Variants in RNF123 observed in about 807,000 individuals in gnomAD.
The protein encoded by RNF123 is ring finger protein 123.
In RNF123, 86 loss-of-function variants were observed where a neutral mutation model predicts 168.5. The observed-to-expected ratio is 0.51, with a 90% confidence interval of 0.43 to 0.61. The LOEUF is 0.61. Ranked by LOEUF, RNF123 falls within the 20% of genes least tolerant of loss-of-function variation. The pLI is 0.00. For synonymous variants in RNF123, 666 were observed against 689.1 expected, an observed-to-expected ratio of 0.97 and a Z score of 0.52; for missense variants, 1,419 against 1,729.7, an observed-to-expected ratio of 0.82 and a Z score of 3.19.
chr3:49,704,641 T>C lies in RNF123; in HGVS notation c.1853-9T>C. On this transcript the variant is annotated splice_polypyrimidine_tract_variant and intron_variant, in intron 21 of 38. Coordinates refer to ENST00000327697, the MANE Select transcript of RNF123 (RefSeq NM_022064.5). ...ACTGGCCTGAGAACCCTCCTGCTCT[T>C]CCTCCCAGATGACCTTGCTTCCAAA... 1 of 1,606,196 alleles carries C rather than the reference T, an allele frequency of 6.2e-7. No individual in the cohort carries two copies. The highest frequency in any genetic ancestry group is 1.1e-5 in the South Asian group (1 of 89,568).
chr3:49,690,159 C>T (rs1197372886), intron 1 of RNF123, among the ~76,000 whole-genome samples: 2 of 152,128 alleles, frequency 1.3e-5, no homozygotes, highest in African/African-American at 4.8e-5. Flanking sequence ...AGAGACTGAA[C>T]TGCAGAGTAG....
chr3:49,691,517 T>G lies in RNF123; in HGVS notation c.167+8T>G. On this transcript the variant is annotated splice_region_variant and intron_variant, in intron 3 of 38. Transcript: ENST00000327697. The stretch of plus-strand genomic sequence containing the variant: ...CCCAGCAGCCACCAGCAGGTATGGC[T>G]GGGTGGGTGGCCCCTCCTCACTCTG... 1 of 1,612,904 alleles carries G rather than the reference T, an allele frequency of 6.2e-7. No individual in the cohort carries two copies. Among genetic ancestry groups the G allele is most frequent in the Non-Finnish European group, 8.5e-7 (1 of 1,179,004 alleles).
At position 49,715,626 on chromosome 3, in the gene RNF123, A is replaced by G; in HGVS notation, c.3062A>G (p.Gln1021Arg). 1 of 1,614,146 alleles carries G rather than the reference A, an allele frequency of 6.2e-7. No homozygotes were observed. ...LQQHMADLLQ[Q>R]GPDVAPSFLN... ...CAGCACATGGCGGACCTCCTACAGC[A>G]GGGTCCTGATGTGGCACCCAGCTTC... The change falls in exon 32 of 39, where the codon CAG (glutamine) becomes CGG (arginine). Residue 1021 changes from glutamine to arginine, a missense_variant. Physicochemically the swap from Gln to Arg is conservative, Grantham distance 43 (BLOSUM62 1). This residue lies in a region of RNF123 where 538 missense variants were observed against 708.8 expected (regional missense o/e 0.76). Coordinates refer to ENST00000327697, the MANE Select transcript of RNF123 (RefSeq NM_022064.5).
At chr3:49,704,623 T>C in intron 21 of RNF123, 27 bp from the exon 22 acceptor site, 1 of 1,590,096 alleles carries the variant, frequency 6.3e-7, no homozygotes, top group Non-Finnish European at 8.6e-7. Flanking sequence ...ACCACTGGCC[T>C]GAGAACCCTC....
In RNF123 at chr3:49,702,327, C is replaced by G. The variant is rs547162211; in HGVS notation, c.1558-7C>G. On this transcript the variant is annotated splice_region_variant and splice_polypyrimidine_tract_variant and intron_variant, in intron 18 of 38. Coordinates refer to ENST00000327697, the MANE Select transcript of RNF123 (RefSeq NM_022064.5). The stretch of plus-strand genomic sequence containing the variant: ...TCAGCACAGCCTCACTTTTCCCTCT[C>G]TCAAAGGGTGAAGCTTCTAGGTATA... 2 of 1,614,140 alleles carry G rather than the reference C, an allele frequency of 1.2e-6. No homozygotes were observed. The highest frequency in any genetic ancestry group is 1.7e-6 in the Non-Finnish European group (2 of 1,179,956).
intron 26 of RNF123, among the ~76,000 whole-genome samples, chr3:49,712,209 C>T (rs1234016549): frequency 7.0e-6 from 1 of 143,166 alleles, no homozygotes; most frequent in Non-Finnish European, 1.6e-5. Flanking sequence ...CTGGGTGACT[C>T]CATCTCAAAA....
chr3:49,718,059 C>A (rs149938600), intron 35 of RNF123: 6 of 1,613,536 alleles, frequency 3.7e-6, no homozygotes, highest in Middle Eastern at 1.6e-4. Context: ...CTACTGCCAG[C>A]TGCACGCGGC....
chr3:49,703,521 C>A lies in RNF123; in HGVS notation c.1845C>A (p.Thr615=). Residue 615 remains threonine, a synonymous_variant, in exon 21 of 39, where the codon ACC becomes ACA. Transcript: ENST00000327697. The part of the protein sequence containing the change: ...LGGLLSHLRK[T]LKDDLASKAN... ...GCCTCCTCTCGCACCTGCGGAAGACCCTCAAAGGTGTGTACAGGCCTGTGG... is the reference window on the plus strand; with the variant it reads ...GCCTCCTCTCGCACCTGCGGAAGACACTCAAAGGTGTGTACAGGCCTGTGG... 1 of 1,613,570 alleles carries A rather than the reference C, an allele frequency of 6.2e-7. No individual in the cohort carries two copies.
At chr3:49,718,371 G>C (rs780762034) in intron 35 of RNF123, 3 of 1,613,240 alleles carry the variant, frequency 1.9e-6, no homozygotes, top group Non-Finnish European at 2.5e-6. Context: ...CGTTGTACTC[G>C]TGCGTCTGGT....
At position 49,700,293 on chromosome 3, in the gene RNF123, C is replaced by T; in HGVS notation, c.1051C>T (p.Pro351Ser). 6.2e-7 allele frequency: 1 copy of T among 1,614,208 alleles called. No individual in the cohort carries two copies. The highest frequency in any genetic ancestry group is 1.1e-5 in the South Asian group (1 of 91,084). Reference sequence around the variant, plus strand: ...GCTGGGCATCGTGGAGAAGGGCACACCCACACAGGCACAGTCCGTGGTGCA... The same window carrying T: ...GCTGGGCATCGTGGAGAAGGGCACATCCACACAGGCACAGTCCGTGGTGCA... ...FLLGIVEKGT[P>S]TQAQSVVHQV... is the part of the protein sequence containing the mutation. The change falls in exon 13 of 39, where the codon CCC becomes TCC. Residue 351 changes from proline (P) to serine (S), a missense_variant. Transcript: ENST00000327697.
At position 49,701,925 on chromosome 3, in the gene RNF123, G is replaced by A. The variant is rs1441085941; in HGVS notation, c.1495+15G>A. 2 of 1,558,732 alleles carry A rather than the reference G, an allele frequency of 1.3e-6. No individual in the cohort carries two copies. The highest frequency in any genetic ancestry group is 8.7e-7 in the Non-Finnish European group (1 of 1,150,854). On this transcript the variant is annotated intron_variant, in intron 17 of 38. Transcript: ENST00000327697. ...GCGCATCGAAGGTCAGCCCGCCTTGGGCACGGGGTAGGGTGGGAGGTGTGT... is the reference window on the plus strand; with the variant it reads ...GCGCATCGAAGGTCAGCCCGCCTTGAGCACGGGGTAGGGTGGGAGGTGTGT...
Position 49,705,526 on chromosome 3 carries a change from C to T in RNF123, c.2159-8C>T. ...CTACCCTTGACCCTTCCCTCCCCAA[C>T]TCCCCAGTTGAAGGCAGCCACTGGA... On this transcript the variant is annotated splice_region_variant and splice_polypyrimidine_tract_variant and intron_variant, in intron 23 of 38. Coordinates refer to ENST00000327697, the MANE Select transcript of RNF123 (RefSeq NM_022064.5). 1.3e-6 allele frequency: 2 copies of T among 1,580,926 alleles called. No homozygotes were observed. The highest frequency in any genetic ancestry group is 2.2e-5 in the East Asian group (1 of 44,694).
chr3:49,701,357 C>T, intron 15 of RNF123, 134 bp from the exon 16 acceptor site: 2 of 732,220 alleles, frequency 2.7e-6, no homozygotes, highest in South Asian at 1.6e-5. Context: ...GGGTCAGACA[C>T]ATAGCAGCAA....
Position 49,696,992 on chromosome 3 carries a change from C to T in RNF123, c.168-151C>T, listed in dbSNP as rs140939614. 9.0e-3 allele frequency: 6,413 copies of T among 711,630 alleles called. 62 individuals are homozygous for T. Among genetic ancestry groups the T allele is most frequent in the Admixed American group, 0.018 (890 of 48,974 alleles). The allele number at this position is 711,630 out of a possible 1,614,324, so 44.1% of individuals were successfully genotyped here. On this transcript the variant is annotated intron_variant, in intron 3 of 38. Transcript: ENST00000327697. ...TTTAGTGGAGAATTCGGCCTTCTGA[C>T]CTCCTGCATGCCAGAGTCTAGGACT...
In RNF123 at chr3:49,721,004, A is replaced by G; in HGVS notation, c.3739-16A>G. On this transcript the variant is annotated splice_polypyrimidine_tract_variant and intron_variant, in intron 37 of 38. Transcript: ENST00000327697. ...GGCATCCAACTCCAGCCCACCCTTC[A>G]CTCTCCTCCCTGCAGCCCACCAGTG... The G allele has an allele frequency of 1.2e-6, 2 of 1,607,210 alleles. No individual in the cohort carries two copies. Among genetic ancestry groups the G allele is most frequent in the Non-Finnish European group, 1.7e-6 (2 of 1,175,776 alleles).
chr3:49,713,986 C>T lies in RNF123; in HGVS notation c.2914C>T (p.Arg972Trp), dbSNP rs377456141. The change falls in exon 30 of 39, where the codon CGG becomes TGG. Residue 972 changes from arginine (R) to tryptophan (W), a missense_variant. By Grantham distance (101) the Arg-to-Trp change is moderately radical (BLOSUM62 -3). Coordinates refer to ENST00000327697, the MANE Select transcript of RNF123 (RefSeq NM_022064.5). ...GGCCCAGACCAACTGGATCCTGGTG[C>T]GGCTCTGGAGGGTAAGCCTGACTCG... is the stretch of plus-strand genomic sequence containing the variant. ...PWAQTNWILV[R>W]LWRGCGFGYR... is the part of the protein sequence containing the mutation. The T allele has an allele frequency of 2.1e-5, 34 of 1,613,932 alleles. No homozygotes were observed. Among genetic ancestry groups the T allele is most frequent in the African/African-American group, 1.9e-4 (14 of 74,948 alleles).
chr3:49,709,305 AT>A (rs1051925055), intron 26 of RNF123, among the ~76,000 whole-genome samples: 209 of 78,284 alleles, frequency 2.7e-3, no homozygotes, highest in Admixed American at 3.1e-3. Context: ...CTAATTTTGT[AT>A]TTTTTTTTTT....
At chr3:49,695,236 G>A (rs1262988470) in intron 3 of RNF123, among the ~76,000 whole-genome samples, 5 of 152,062 alleles carry the variant, frequency 3.3e-5, no homozygotes, top group Non-Finnish European at 5.9e-5. Flanking sequence ...CCACATAGCT[G>A]GGACCACAAG....
chr3:49,713,392 G>T lies in RNF123; in HGVS notation c.2675-121G>T, dbSNP rs181221894. 8,395 of 904,354 alleles carry T rather than the reference G, an allele frequency of 9.3e-3. 87 individuals are homozygous for T. Among genetic ancestry groups the T allele is most frequent in the Middle Eastern group, 0.029 (92 of 3,198 alleles). The allele number at this position is 904,354 out of a possible 1,614,324, so 56.0% of individuals were successfully genotyped here. A position where few individuals can be genotyped will look rare whatever the true frequency, so the allele number is the denominator to read the frequency against. ...CCGATGTCCCCAGATGCCACCCTGG[G>T]TCCAGGCTGGCCTTGGGAGCCAGCT... On this transcript the variant is annotated intron_variant, in intron 27 of 38. Transcript: ENST00000327697.
Sources: gnomAD v4.1 joint callset for allele counts (sites outside exome capture counted in the v4.1 genomes callset) on GRCh38, gnomAD v4.1.1 for gene constraint, gnomAD v4.1.1 regional missense constraint, MANE v1.5 for transcripts, NCBI Gene and HGNC (gene_info 2026-07-23, HGNC 2026-07-21) for gene names.